DDX31: variants seen among roughly 807,000 people sequenced by gnomAD.
DDX31 encodes ATP-dependent DNA helicase DDX31.
Under a neutral mutation model 91.3 loss-of-function variants are expected in DDX31, and 70 were observed. The ratio of observed to expected loss-of-function variants is 0.77; its 90% CI spans 0.63 to 0.94. DDX31 has a LOEUF of 0.94. Among genes scored for constraint, DDX31 ranks in the 40% least tolerant of loss-of-function variants. The pLI, the probability that DDX31 is intolerant of heterozygous loss-of-function variation, is 0.00. For missense variants in DDX31, 902 were observed against 925.0 expected (o/e 0.98, Z 0.32); for synonymous variants, 362 against 350.6 (o/e 1.03, Z -0.36).
intron 17 of DDX31, among the ~76,000 whole-genome samples, chr9:132,623,620 A>G (rs2130603341): frequency 6.6e-6 from 1 of 152,158 alleles, no homozygotes; most frequent in South Asian, 2.1e-4. Context: ...GGCTGGTGAC[A>G]GATGAGGAAC....
In DDX31 at chr9:132,598,593, T is replaced by A. The variant is rs556344732; in HGVS notation, c.1995-3481A>T. Among the ~76,000 whole-genome samples, 8 of 152,386 alleles carry A rather than the reference T, an allele frequency of 5.2e-5. No individual in the cohort carries two copies. The South Asian group carries it at 1.7e-3, about 32-fold the overall frequency. ...AGTAAATCAATATACCCCGTTACAA[T>A]GACCACTGGAGAAGAGAGATCGCAG... On this transcript the variant is annotated intron_variant, in intron 19 of 19. Transcript: ENST00000372159.
intron 4 of DDX31, among the ~76,000 whole-genome samples, chr9:132,660,347 A>G (rs1013026804): frequency 2.3e-4 from 35 of 151,996 alleles, no homozygotes; most frequent in South Asian, 1.0e-3. Flanking sequence ...AAAAAAAAAA[A>G]AAAAAGAAAA....
chr9:132,659,420 T>A (rs939208937), intron 5 of DDX31, among the ~76,000 whole-genome samples: 1 of 151,996 alleles, frequency 6.6e-6, no homozygotes, highest in Non-Finnish European at 1.5e-5. Context: ...TCCACTAGAG[T>A]GAGAATGGGC....
chr9:132,653,494 C>CAAAAAAAAAAAAAAAAAAAAAAAAAAAAA (rs71376648), intron 6 of DDX31, among the ~76,000 whole-genome samples: 2 of 20,662 alleles, frequency 9.7e-5, no homozygotes, highest in Non-Finnish European at 1.5e-4. Flanking sequence ...AACTCAGTCT[C>CAAAAAAAAAAAAAAAAAAAAAAAAAAAAA]AAAAAAAAAA....
chr9:132,607,608 A>C (rs1439248506), intron 19 of DDX31, among the ~76,000 whole-genome samples: 1 of 152,242 alleles, frequency 6.6e-6, no homozygotes. Context: ...CACATAAAAT[A>C]GGGTGGTTTA....
At chr9:132,669,506 G>A in intron 1 of DDX31, 1 of 1,250,026 alleles carries the variant, frequency 8.0e-7, no homozygotes, top group South Asian at 1.3e-5. Flanking sequence ...GCACTCAGTC[G>A]AGGAAACTGG....
intron 19 of DDX31, among the ~76,000 whole-genome samples, chr9:132,609,034 C>T (rs1404007481): frequency 6.6e-6 from 1 of 152,152 alleles, no homozygotes; most frequent in African/African-American, 2.4e-5. Flanking sequence ...CTCGAGTGCC[C>T]GTCTGCCTTC....
intron 18 of DDX31, among the ~76,000 whole-genome samples, chr9:132,614,714 C>T (rs1340608476): frequency 2.0e-5 from 3 of 152,176 alleles, no homozygotes; most frequent in Admixed American, 6.5e-5. Flanking sequence ...GAGCATCTGT[C>T]CCAGGAGATG....
chr9:132,669,534 T>C (rs1422336301), intron 1 of DDX31: 2 of 1,403,442 alleles, frequency 1.4e-6, no homozygotes, highest in Non-Finnish European at 1.9e-6. Flanking sequence ...AAGTTAAGCT[T>C]TGGCCTGGGA....
chr9:132,652,753 G>A lies in DDX31; in HGVS notation c.589-261C>T, dbSNP rs116508124. Reference sequence around the variant, plus strand: ...AGGTGGTAATTGAATCAGGGGGGCCGGTTATTCTCGTGATAATGAATAAGT... The same window carrying A: ...AGGTGGTAATTGAATCAGGGGGGCCAGTTATTCTCGTGATAATGAATAAGT... On this transcript the variant is annotated intron_variant, in intron 6 of 19. Coordinates refer to ENST00000372159, the MANE Select transcript of DDX31 (RefSeq NM_022779.9). 3.6e-3 allele frequency among the ~76,000 whole-genome samples: 549 copies of A among 152,222 alleles called. 2 individuals carry two copies. Among genetic ancestry groups the A allele is most frequent in the African/African-American group, 0.012 (493 of 41,538 alleles).
intron 14 of DDX31, chr9:132,638,365 T>C: frequency 1.2e-6 from 2 of 1,614,216 alleles, no homozygotes; most frequent in Admixed American, 1.7e-5. Flanking sequence ...AGTTCTTCAC[T>C]GTAAGTAGGA....
chr9:132,603,639 T>C (rs752655219), intron 19 of DDX31, among the ~76,000 whole-genome samples: 56 of 152,338 alleles, frequency 3.7e-4, no homozygotes, highest in Middle Eastern at 3.4e-3. Flanking sequence ...TACTCTCCTG[T>C]TGCACACGGC....
intron 14 of DDX31, among the ~76,000 whole-genome samples, 182 bp from the exon 15 acceptor site, chr9:132,632,273 CACACACACACACACACACACACACAG>C (rs1590035959): frequency 2.0e-5 from 3 of 148,390 alleles, no homozygotes; most frequent in East Asian, 3.9e-4. Flanking sequence ...CACACACACA[CACACACACACACACACACACACACAG>C]TCCTGCATAC....
intron 1 of DDX31, chr9:132,663,076 A>G (rs1835083895): frequency 6.8e-5 from 60 of 877,128 alleles, no homozygotes; most frequent in Non-Finnish European, 9.5e-5. Flanking sequence ...ATTCCTAGGA[A>G]CCCATTCACC....
rs369905018 is a variant in DDX31 at position 132,621,095 on chromosome 9, C to G, written c.1714-2654G>C. 3.5e-4 allele frequency among the ~76,000 whole-genome samples: 54 copies of G among 152,242 alleles called. 2 individuals carry two copies. The South Asian group carries it at 1.0e-2, about 28-fold the overall frequency. On this transcript the variant is annotated intron_variant, in intron 17 of 19. Coordinates refer to ENST00000372159, the MANE Select transcript of DDX31 (RefSeq NM_022779.9). ...ACAGGTATATTTCACAGGACAAAAACGCTTGTAGGAAAAACATGGTTGGGT... is the reference window on the plus strand; with the variant it reads ...ACAGGTATATTTCACAGGACAAAAAGGCTTGTAGGAAAAACATGGTTGGGT...
chr9:132,629,198 T>C (rs1381532108), intron 16 of DDX31, among the ~76,000 whole-genome samples: 1 of 152,232 alleles, frequency 6.6e-6, no homozygotes, highest in Non-Finnish European at 1.5e-5. Flanking sequence ...ATGCACATCT[T>C]CCTTAACAAA....
intron 7 of DDX31, among the ~76,000 whole-genome samples, chr9:132,652,062 G>GT (rs1834222845): frequency 6.6e-6 from 1 of 151,862 alleles, no homozygotes; most frequent in African/African-American, 2.4e-5. Context: ...TTAGGAACAA[G>GT]TAACATTTTT....
At chr9:132,601,500 C>G (rs889537219) in intron 19 of DDX31, among the ~76,000 whole-genome samples, 1 of 152,182 alleles carries the variant, frequency 6.6e-6, no homozygotes, top group African/African-American at 2.4e-5. Context: ...CAATGGCCAT[C>G]CATCATGGGG....
intron 18 of DDX31, among the ~76,000 whole-genome samples, chr9:132,614,241 G>A (rs1374346307): frequency 6.6e-6 from 1 of 152,134 alleles, no homozygotes; most frequent in Non-Finnish European, 1.5e-5. Flanking sequence ...CAATCGATGA[G>A]CAATAATAAC....
Sources: allele counts gnomAD v4.1 joint callset (sites outside exome capture counted in the v4.1 genomes callset), GRCh38; gene constraint gnomAD v4.1.1; transcripts MANE v1.5; gene names NCBI Gene and HGNC (gene_info 2026-07-23, HGNC 2026-07-21).